Variants in PHACTR3 observed in about 807,000 individuals in gnomAD.
The protein encoded by PHACTR3 is protein phosphatase 1, regulatory subunit 123.
A neutral mutation model predicts 66.8 loss-of-function variants in PHACTR3; 16 were observed. The observed-to-expected ratio is 0.24, with a 90% CI of 0.16 to 0.36. PHACTR3 has a LOEUF of 0.36. Ranked by LOEUF, PHACTR3 falls within the 10% of genes least tolerant of loss-of-function variation. The pLI is 1.00. For missense variants in PHACTR3, 647 were observed against 719.9 expected (o/e 0.90, Z 1.16); for synonymous variants, 323 against 292.1 (o/e 1.11, Z -1.08).
chr20:59,833,663 A>G (rs1375171365), intron 8 of PHACTR3, among the ~76,000 whole-genome samples: 4 of 152,186 alleles, frequency 2.6e-5, no homozygotes, highest in East Asian at 3.9e-4. Context: ...AGGTGTCCCT[A>G]TGGGTGTTCC....
chr20:59,797,991 T>G (rs1024086497), intron 7 of PHACTR3, among the ~76,000 whole-genome samples: 41 of 152,336 alleles, frequency 2.7e-4, no homozygotes, highest in African/African-American at 8.4e-4. Context: ...TTCACAGAAT[T>G]ATTTGTAGTC....
At chr20:59,710,208 C>G (rs982478136) in intron 1 of PHACTR3, among the ~76,000 whole-genome samples, 5 of 152,132 alleles carry the variant, frequency 3.3e-5, no homozygotes, top group African/African-American at 1.2e-4. Context: ...GCACAAAAAG[C>G]CCCATTTATT....
intron 1 of PHACTR3, among the ~76,000 whole-genome samples, chr20:59,613,636 A>G (rs1236323461): frequency 6.6e-6 from 1 of 152,234 alleles, no homozygotes; most frequent in Non-Finnish European, 1.5e-5. Flanking sequence ...TCAGGTAGTG[A>G]ACTACAGTCT....
chr20:59,838,719 A>T (rs1362058825), intron 9 of PHACTR3, among the ~76,000 whole-genome samples: 1 of 152,202 alleles, frequency 6.6e-6, no homozygotes, highest in East Asian at 1.9e-4. Flanking sequence ...CTGGATATTC[A>T]TGGAAGTCTC....
At chr20:59,757,957 C>A (rs2039863153) in intron 4 of PHACTR3, among the ~76,000 whole-genome samples, 1 of 152,126 alleles carries the variant, frequency 6.6e-6, no homozygotes, top group South Asian at 2.1e-4. Context: ...GCGACAGAGC[C>A]AGACCCTGCT....
At chr20:59,672,372 C>T (rs1380842888) in intron 1 of PHACTR3, among the ~76,000 whole-genome samples, 1 of 152,344 alleles carries the variant, frequency 6.6e-6, no homozygotes, top group South Asian at 2.1e-4. Flanking sequence ...GTGATCCTCA[C>T]ATGCACCTCT....
In PHACTR3 at chr20:59,814,748, A is replaced by G. The variant is rs2041838286; in HGVS notation, c.1328+8554A>G. On this transcript the variant is annotated intron_variant, in intron 8 of 12. Transcript: ENST00000371015. Reference sequence around the variant, plus strand: ...AACAGGCTTCTGTGTGTTCCAGTGAAATAAGCCCTATCTGTCTCTCGGGAA... The same window carrying G: ...AACAGGCTTCTGTGTGTTCCAGTGAGATAAGCCCTATCTGTCTCTCGGGAA... 3.3e-5 allele frequency among the ~76,000 whole-genome samples: 5 copies of G among 152,164 alleles called. No individual in the cohort carries two copies. The South Asian group carries it at 1.0e-3, about 32-fold the overall frequency.
At chr20:59,667,674 C>T (rs1369322068) in intron 1 of PHACTR3, among the ~76,000 whole-genome samples, 1 of 152,224 alleles carries the variant, frequency 6.6e-6, no homozygotes, top group Non-Finnish European at 1.5e-5. Flanking sequence ...TCCAGGCCAG[C>T]CTGCCTCTGG....
chr20:59,834,877 T>C (rs933987512), intron 8 of PHACTR3, among the ~76,000 whole-genome samples: 10 of 152,218 alleles, frequency 6.6e-5, no homozygotes, highest in Non-Finnish European at 1.3e-4. Flanking sequence ...ACTGGAAGAA[T>C]TGTCTTGAGC....
At chr20:59,613,527 T>C (rs1458225490) in intron 1 of PHACTR3, among the ~76,000 whole-genome samples, 2 of 152,212 alleles carry the variant, frequency 1.3e-5, no homozygotes, top group Non-Finnish European at 2.9e-5. Flanking sequence ...CTGGGAAGTG[T>C]AGCTTTTTCT....
At chr20:59,683,296 G>A (rs927636030) in intron 1 of PHACTR3, among the ~76,000 whole-genome samples, 1 of 152,184 alleles carries the variant, frequency 6.6e-6, no homozygotes, top group African/African-American at 2.4e-5. Flanking sequence ...TGACATCCGT[G>A]CAAAGATGAC....
At chr20:59,630,438 C>T (rs2034622076) in intron 1 of PHACTR3, among the ~76,000 whole-genome samples, 1 of 152,196 alleles carries the variant, frequency 6.6e-6, no homozygotes, top group South Asian at 2.1e-4. Flanking sequence ...CCGCCTAGGC[C>T]TCCCAAAGTG....
At chr20:59,650,740 CAAAAA>C (rs34879994) in intron 1 of PHACTR3, among the ~76,000 whole-genome samples, 2 of 61,480 alleles carry the variant, frequency 3.3e-5, no homozygotes, top group African/African-American at 1.3e-4. Context: ...GCGTTGATAG[CAAAAA>C]AAAAAAAAAA....
chr20:59,834,440 T>A (rs1767830), intron 8 of PHACTR3, among the ~76,000 whole-genome samples: 130,357 of 151,828 alleles, frequency 0.86, 57,823 homozygotes, highest in East Asian at 0.97. Context: ...GGTGCCCAGC[T>A]CTAAGGGGAG....
chr20:59,604,596 GTGGGGGGTGGGGTGGGGGGA>G lies in PHACTR3; in HGVS notation c.-418_-399del. On this transcript the variant is annotated 5_prime_UTR_variant, in exon 1 of 13. Transcript: ENST00000371015. ...TCCTTTTCCCTTTTTTCCTGGGGGGGTGGGGGGTGGGGTGGGGGGAGGGAGCGCCCCCAGACATTCCAGGA... is the reference window on the plus strand; with the variant it reads ...TCCTTTTCCCTTTTTTCCTGGGGGGGGGGAGCGCCCCCAGACATTCCAGGA... 2.8e-6 allele frequency: 1 copy of G among 363,274 alleles called. No individual in the cohort carries two copies. The highest frequency in any genetic ancestry group is 3.8e-6 in the Non-Finnish European group (1 of 264,124). The allele number at this position is 363,274 out of a possible 1,614,324, so 22.5% of individuals were successfully genotyped here.
At chr20:59,589,357 G>A (rs2033125053) in intron 1 of PHACTR3, among the ~76,000 whole-genome samples, 1 of 152,210 alleles carries the variant, frequency 6.6e-6, no homozygotes, top group South Asian at 2.1e-4. Context: ...TTTAATGAAT[G>A]GTGGGCGCCG....
intron 1 of PHACTR3, among the ~76,000 whole-genome samples, chr20:59,691,158 T>C (rs1007049743): frequency 6.6e-6 from 1 of 152,196 alleles, no homozygotes; most frequent in Non-Finnish European, 1.5e-5. Context: ...TCCCTGCCCG[T>C]GGAGGGGACA....
chr20:59,696,814 A>G (rs1265587083), intron 1 of PHACTR3, among the ~76,000 whole-genome samples: 1 of 151,874 alleles, frequency 6.6e-6, no homozygotes, highest in Non-Finnish European at 1.5e-5. Flanking sequence ...CTTTTGGGAG[A>G]CCTTGAAGGC....
chr20:59,657,701 C>T (rs568571812), intron 1 of PHACTR3, among the ~76,000 whole-genome samples: 1 of 152,208 alleles, frequency 6.6e-6, no homozygotes, highest in South Asian at 2.1e-4. Context: ...CTTGCAGTGA[C>T]TAGTCAGTTT....
Sources: allele counts gnomAD v4.1 joint callset (sites outside exome capture counted in the v4.1 genomes callset), GRCh38; gene constraint gnomAD v4.1.1; transcripts MANE v1.5; gene names NCBI Gene and HGNC (gene_info 2026-07-23, HGNC 2026-07-21).